Variants in SNAPC4 observed in about 807,000 individuals in gnomAD.
The protein encoded by SNAPC4 is small nuclear RNA activating complex polypeptide 4, also known as snRNA-activating protein complex subunit 4.
Under a neutral mutation model 151.3 loss-of-function variants are expected in SNAPC4, and 127 were observed. The observed-to-expected ratio is 0.84, with a 90% CI of 0.73 to 0.97. SNAPC4 has a LOEUF of 0.97. Ranked by LOEUF, SNAPC4 falls within the 50% of genes least tolerant of loss-of-function variation. The pLI, the probability that SNAPC4 is intolerant of heterozygous loss-of-function variation, is 0.00. For missense variants in SNAPC4, 2,186 were observed against 1,935.0 expected (o/e 1.13, Z -2.43); for synonymous variants, 1,002 against 824.4 (o/e 1.22, Z -3.69).
chr9:136,380,002 G>A lies in SNAPC4; in HGVS notation c.2500-138C>T, dbSNP rs370264633. The A allele has an allele frequency of 4.4e-5, 61 of 1,399,836 alleles. No individual in the cohort carries two copies. In the African/African-American group the frequency reaches 6.7e-4, roughly 15 times the overall value. The allele number at this position is 1,399,836 out of a possible 1,614,324, so 86.7% of individuals were successfully genotyped here. ...AAGGGCTGGTGCTGGCCTCCCACAC[G>A]CCTCTGTAGGAACTCCGGGGCCACA... On this transcript the variant is annotated intron_variant, in intron 20 of 23. Transcript: ENST00000684778.
chr9:136,397,967 G>A (rs1456876471), intron 2 of SNAPC4, among the ~76,000 whole-genome samples: 15 of 152,126 alleles, frequency 9.9e-5, no homozygotes, highest in Non-Finnish European at 1.5e-5. Flanking sequence ...TGGTTCAGGG[G>A]CTAGCAAAGG....
intron 21 of SNAPC4, 87 bp downstream of exon 21, chr9:136,379,750 T>C (rs946101730): frequency 8.0e-7 from 1 of 1,243,948 alleles, no homozygotes; most frequent in African/African-American, 1.5e-5. Context: ...TTGGGGGCTG[T>C]GGGTGAAAGC....
rs201066947 is a variant in SNAPC4, at chr9:136,381,407, G to C, written c.2318-15C>G. On this transcript the variant is annotated splice_polypyrimidine_tract_variant and intron_variant, in intron 18 of 23. Coordinates refer to ENST00000684778, the MANE Select transcript of SNAPC4 (RefSeq NM_003086.4). Reference sequence around the variant, plus strand: ...GAGGCCATCCGCTGCGGGCACAGGGGGATAAGTGGAAAGCAGCCCCAGCTC... The same window carrying C: ...GAGGCCATCCGCTGCGGGCACAGGGCGATAAGTGGAAAGCAGCCCCAGCTC... 961 of 1,609,616 alleles carry C rather than the reference G, an allele frequency of 6.0e-4. 5 individuals are homozygous for C. The highest frequency in any genetic ancestry group is 5.9e-4 in the Non-Finnish European group (698 of 1,177,174).
rs138416365 is a variant in SNAPC4, at chr9:136,378,952, C to T, written c.2875G>A (p.Ala959Thr). The T allele has an allele frequency of 3.2e-5, 51 of 1,609,000 alleles. No individual in the cohort carries two copies. The highest frequency in any genetic ancestry group is 1.3e-4 in the East Asian group (6 of 44,754). The change falls in exon 22 of 24, where the codon GCG becomes ACG. Residue 959 changes from alanine (A) to threonine (T), a missense_variant. Coordinates refer to ENST00000684778, the MANE Select transcript of SNAPC4 (RefSeq NM_003086.4). ...NVPLSGPGAP[A>T]AAKPGTSGSW... ...CCAGAAGTGCCAGGTTTGGCTGCCG[C>T]GGGGGCCCCAGGCCCAGAGAGCGGT...
At position 136,383,205 on chromosome 9, in the gene SNAPC4, G is replaced by A; in HGVS notation, c.1964C>T (p.Ala655Val). 6.5e-7 allele frequency: 1 copy of A among 1,546,230 alleles called. No homozygotes were observed. Among genetic ancestry groups the A allele is most frequent in the South Asian group, 1.2e-5 (1 of 81,166 alleles). Reference protein sequence around the residue: ...SHSADTRPAGAEKQALEGGRR... With the variant: ...SHSADTRPAGVEKQALEGGRR... ...GCCTACCTCCAGGGCCTGCTTCTCT[G>A]CGCCCGCCGGGCGAGTGTCTGCTGA... The change falls in exon 16 of 24, where the codon GCA (alanine) becomes GTA (valine). Residue 655 changes from alanine to valine, a missense_variant. By Grantham distance (64) the Ala-to-Val change is moderately conservative. Transcript: ENST00000684778. The surrounding 1 kb of genome is among the most constrained non-coding windows in gnomAD (Gnocchi z 4.2).
chr9:136,378,222 C>T lies in SNAPC4; in HGVS notation c.3605G>A (p.Trp1202Ter), dbSNP rs1200999477. 2 of 1,611,518 alleles carry T rather than the reference C, an allele frequency of 1.2e-6. No homozygotes were observed. Among genetic ancestry groups the T allele is most frequent in the Non-Finnish European group, 1.7e-6 (2 of 1,179,536 alleles). ...HADPPEAEPP[W>*]SGRLPAFGGV... ...ACCGAAGGCTGGCAGCCTCCCGGACCAAGGGGGTTCTGCTTCAGGAGGGTC... is the reference window on the plus strand; with the variant it reads ...ACCGAAGGCTGGCAGCCTCCCGGACTAAGGGGGTTCTGCTTCAGGAGGGTC... The change falls in exon 22 of 24, where the codon TGG (tryptophan) becomes TAG (stop). Residue 1202 changes from tryptophan (W) to a stop codon, truncating the protein, a stop_gained. Coordinates refer to ENST00000684778, the MANE Select transcript of SNAPC4 (RefSeq NM_003086.4). LOFTEE classifies it high-confidence loss of function.
rs761269854 is a variant in SNAPC4, at chr9:136,380,815, G to A, written c.2424C>T (p.Val808=). The part of the protein sequence containing the change: ...FHIDTAGCLE[V]VRERKALPPR... The stretch of plus-strand genomic sequence containing the variant: ...GTGGCAGGGCCTTCCTCTCTCGGAC[G>A]ACCTCCAAGCAGCCGGCAGTATCGA... Residue 808 remains valine, a synonymous_variant, in exon 20 of 24, where the codon GTC becomes GTT. Transcript: ENST00000684778. 2.2e-5 allele frequency: 35 copies of A among 1,611,154 alleles called. 1 individual carries two copies. The highest frequency in any genetic ancestry group is 3.3e-5 in the South Asian group (3 of 91,022).
At position 136,377,692 on chromosome 9, in the gene SNAPC4, C is replaced by G; in HGVS notation, c.4135G>C (p.Ala1379Pro). Reference protein sequence around the residue: ...LAAFTLPALLATLAPQGVRTT... With the variant: ...LAAFTLPALLPTLAPQGVRTT... ...CGGACGCCTTGGGGGGCCAGGGTGGCCAGGAGCGCAGGGAGGGTGAAGGCT... is the reference window on the plus strand; with the variant it reads ...CGGACGCCTTGGGGGGCCAGGGTGGGCAGGAGCGCAGGGAGGGTGAAGGCT... Residue 1379 changes from alanine (A) to proline (P), a missense_variant, in exon 22 of 24, where the codon GCC (alanine) becomes CCC (proline). Transcript: ENST00000684778. The G allele has an allele frequency of 1.2e-6, 2 of 1,608,244 alleles. No homozygotes were observed. The highest frequency in any genetic ancestry group is 4.5e-5 in the East Asian group (2 of 44,738).
intron 10 of SNAPC4, among the ~76,000 whole-genome samples, chr9:136,389,419 G>A (rs569138969): frequency 5.9e-5 from 9 of 152,302 alleles, no homozygotes; most frequent in African/African-American, 2.2e-4. Flanking sequence ...GGCACGCAGA[G>A]CTGGATGTGG....
In SNAPC4 at chr9:136,377,674, C is replaced by T. The variant is rs1462849155; in HGVS notation, c.4153G>A (p.Gly1385Ser). The change falls in exon 22 of 24, where the codon GGC (glycine) becomes AGC (serine). Residue 1385 changes from glycine (G) to serine (S), a missense_variant. Transcript: ENST00000684778. The stretch of plus-strand genomic sequence containing the variant: ...GGTACTGAGAGGGTGGTGCGGACGC[C>T]TTGGGGGGCCAGGGTGGCCAGGAGC... ...PALLATLAPQGVRTTLSVPSR... is the reference protein window; with the variant it reads ...PALLATLAPQSVRTTLSVPSR... 5.0e-6 allele frequency: 8 copies of T among 1,607,440 alleles called. No individual in the cohort carries two copies. The South Asian group carries it at 5.5e-5, about 11-fold the overall frequency.
chr9:136,395,882 T>C lies in SNAPC4; in HGVS notation c.178-112A>G, dbSNP rs139871801. On this transcript the variant is annotated intron_variant, in intron 3 of 23. Coordinates refer to ENST00000684778, the MANE Select transcript of SNAPC4 (RefSeq NM_003086.4). Reference sequence around the variant, plus strand: ...CTGGGACACCGAGGCAGCTCTGGCATAGCAACACCCAATGTGGAAGCAGGA... The same window carrying C: ...CTGGGACACCGAGGCAGCTCTGGCACAGCAACACCCAATGTGGAAGCAGGA... 1.9e-3 allele frequency: 2,019 copies of C among 1,052,098 alleles called. 17 individuals are homozygous for C. The highest frequency in any genetic ancestry group is 0.013 in the Middle Eastern group (43 of 3,388). 65.2% of individuals were successfully genotyped at this position (1,052,098 alleles called of 1,614,324 possible).
At position 136,378,495 on chromosome 9, in the gene SNAPC4, G is replaced by A. The variant is rs751499169; in HGVS notation, c.3332C>T (p.Thr1111Ile). Residue 1111 changes from threonine to isoleucine, a missense_variant, in exon 22 of 24, where the codon ACT becomes ATT. Physicochemically the swap from Thr to Ile is moderately conservative, Grantham distance 89. Transcript: ENST00000684778. ...AGTCTCAGTCAGGGGAGGCAGCAGA[G>A]TGGCCAGCAGCCCTGCGGGGCCAGG... is the stretch of plus-strand genomic sequence containing the variant. ...GTPGPAGLLA[T>I]LLPPLTETRA... The A allele has an allele frequency of 3.1e-6, 5 of 1,591,880 alleles. No homozygotes were observed. The highest frequency in any genetic ancestry group is 4.3e-6 in the Non-Finnish European group (5 of 1,174,766).
intron 7 of SNAPC4, 139 bp downstream of exon 7, chr9:136,394,110 G>A: frequency 4.1e-6 from 3 of 733,716 alleles, no homozygotes; most frequent in Non-Finnish European, 7.4e-6. Context: ...AAGAGATGGG[G>A]TCTCACCATG....
chr9:136,381,789 C>T, intron 18 of SNAPC4, 35 bp downstream of exon 18: 1 of 1,594,460 alleles, frequency 6.3e-7, no homozygotes, highest in Non-Finnish European at 8.5e-7. Flanking sequence ...CACCCCTCGC[C>T]CCCAGGATGC....
At chr9:136,395,194 T>C (rs1834221223) in intron 5 of SNAPC4, 104 bp downstream of exon 5, 1 of 1,435,470 alleles carries the variant, frequency 7.0e-7, no homozygotes, top group South Asian at 1.3e-5. Flanking sequence ...CAATGTTATC[T>C]TGAACTCACA....
At position 136,379,257 on chromosome 9, in the gene SNAPC4, C is replaced by G; in HGVS notation, c.2570G>C (p.Ser857Thr). ...TCTTCGGCTCCCTTTGTGGCTGGCACTCTTTGAGGCTTCTTGAGCCGGCAC... is the reference window on the plus strand; with the variant it reads ...TCTTCGGCTCCCTTTGTGGCTGGCAGTCTTTGAGGCTTCTTGAGCCGGCAC... ...PNVPAQEASK[S>T]ASHKGSRRLA... Residue 857 changes from serine to threonine, a missense_variant, in exon 22 of 24, where the codon AGT (serine) becomes ACT (threonine). Ser to Thr is a moderately conservative substitution (Grantham distance 58). Transcript: ENST00000684778. 1.2e-6 allele frequency: 2 copies of G among 1,612,622 alleles called. No homozygotes were observed.
At chr9:136,389,970 T>A (rs574740001) in intron 10 of SNAPC4, among the ~76,000 whole-genome samples, 3 of 152,282 alleles carry the variant, frequency 2.0e-5, no homozygotes, top group South Asian at 4.1e-4. Flanking sequence ...GAGAAGCATG[T>A]CTGACTATGT....
At chr9:136,398,084 T>C (rs1211114415) in intron 2 of SNAPC4, among the ~76,000 whole-genome samples, 1 of 152,068 alleles carries the variant, frequency 6.6e-6, no homozygotes, top group Non-Finnish European at 1.5e-5. Flanking sequence ...TTATTATTAT[T>C]ATTTTTAGAG....
At chr9:136,393,032 C>G (rs1256718841) in intron 7 of SNAPC4, among the ~76,000 whole-genome samples, 2 of 152,212 alleles carry the variant, frequency 1.3e-5, no homozygotes, top group African/African-American at 4.8e-5. Flanking sequence ...AGAGCCTCGC[C>G]ACAGCCCTCC....
Sources: allele counts gnomAD v4.1 joint callset (sites outside exome capture counted in the v4.1 genomes callset), GRCh38; gene constraint gnomAD v4.1.1; non-coding constraint Gnocchi (gnomAD v3.1); transcripts MANE v1.5; gene names NCBI Gene and HGNC (gene_info 2026-07-23, HGNC 2026-07-21).